Variants in MED15 observed in about 807,000 individuals in gnomAD.
MED15 encodes the protein mediator complex subunit 15.
A neutral mutation model predicts 118.7 loss-of-function variants in MED15; 41 were observed. The observed-to-expected ratio is 0.35, with a 90% CI of 0.27 to 0.45. MED15 has a LOEUF of 0.45. MED15 is among the 20% of genes least tolerant of loss of function. MED15 has a pLI of 1.00. For synonymous variants in MED15, 436 were observed against 413.9 expected, an observed-to-expected ratio of 1.05 and a Z score of -0.65; for missense variants, 740 against 1,025.5, an observed-to-expected ratio of 0.72 and a Z score of 3.80.
At chr22:20,554,294 T>G (rs2055902095) in intron 4 of MED15, 1 of 152,454 alleles carries the variant, frequency 6.6e-6, no homozygotes, top group Non-Finnish European at 1.5e-5. Flanking sequence ...TGCTGTGAAG[T>G]CCACACTGTT....
intron 5 of MED15, among the ~76,000 whole-genome samples, chr22:20,560,007 G>A (rs1343578078): frequency 1.3e-5 from 2 of 152,174 alleles, no homozygotes; most frequent in Non-Finnish European, 2.9e-5. Context: ...ATTTGACAAT[G>A]TCTGGAGACA....
At chr22:20,551,024 A>ACAGATAGTGCAAAGACACAGCGG (rs1360233001) in intron 2 of MED15, 2 of 411,388 alleles carry the variant, frequency 4.9e-6, no homozygotes, top group Admixed American at 3.1e-5. Context: ...GCCCTTCTTT[A>ACAGATAGTGCAAAGACACAGCGG]CAGATAGTGC....
intron 17 of MED15, 26 bp from the exon 18 acceptor site, chr22:20,586,542 G>A (rs770109209): frequency 3.7e-6 from 6 of 1,607,028 alleles, no homozygotes; most frequent in South Asian, 1.1e-5. Context: ...GGCCGCCTTA[G>A]GTTCACGCCC....
chr22:20,522,207 C>T (rs2146375289), intron 1 of MED15: 1 of 152,250 alleles, frequency 6.6e-6, no homozygotes, highest in South Asian at 2.1e-4. Flanking sequence ...GGGCTGTGCA[C>T]CTAGAAGTTA....
chr22:20,556,012 C>A (rs187558511), intron 5 of MED15, among the ~76,000 whole-genome samples: 1 of 152,226 alleles, frequency 6.6e-6, no homozygotes, highest in South Asian at 2.1e-4. Context: ...CGTGAGCCAA[C>A]GCGCCTGCCC....
At chr22:20,552,783 C>T (rs532441606) in intron 3 of MED15, 20 of 282,780 alleles carry the variant, frequency 7.1e-5, no homozygotes, top group South Asian at 5.0e-4. Flanking sequence ...ACTCCAGCCC[C>T]GCCGTGGGTT....
intron 2 of MED15, among the ~76,000 whole-genome samples, chr22:20,539,384 T>TACTC (rs1407404923): frequency 6.6e-6 from 1 of 152,270 alleles, no homozygotes; most frequent in Non-Finnish European, 1.5e-5. Flanking sequence ...GTACTGGGAT[T>TACTC]ACAGACGTGA....
At chr22:20,555,924 T>G (rs1285582394) in intron 5 of MED15, among the ~76,000 whole-genome samples, 1 of 152,212 alleles carries the variant, frequency 6.6e-6, no homozygotes, top group Non-Finnish European at 1.5e-5. Flanking sequence ...GACTTCACCA[T>G]GTTGCCCAGG....
At chr22:20,559,269 G>C (rs1309015326) in intron 5 of MED15, among the ~76,000 whole-genome samples, 1 of 152,180 alleles carries the variant, frequency 6.6e-6, no homozygotes, top group Non-Finnish European at 1.5e-5. Flanking sequence ...GTAGAAATGA[G>C]CAATATAATT....
In MED15 at chr22:20,509,920, A is replaced by C. The variant is rs542051610; in HGVS notation, c.68+2174A>C. Reference sequence around the variant, plus strand: ...GAAAATGGGGGTAGGGGAAGTGTTAAGAGGGCTGGGAGGGTGATTGAAGAG... The same window carrying C: ...GAAAATGGGGGTAGGGGAAGTGTTACGAGGGCTGGGAGGGTGATTGAAGAG... On this transcript the variant is annotated intron_variant, in intron 1 of 17. Coordinates refer to ENST00000263205, the MANE Select transcript of MED15 (RefSeq NM_001003891.3). Among the ~76,000 whole-genome samples the C allele has an allele frequency of 3.1e-4, 47 of 152,250 alleles. 2 individuals carry two copies. The South Asian group carries it at 9.3e-3, about 30-fold the overall frequency.
chr22:20,568,811 G>A (rs1241357500), intron 8 of MED15, among the ~76,000 whole-genome samples, 180 bp downstream of exon 8: 1 of 152,210 alleles, frequency 6.6e-6, no homozygotes, highest in Non-Finnish European at 1.5e-5. Flanking sequence ...GTGGGCAGCT[G>A]TGCTTGGTCA....
intron 1 of MED15, among the ~76,000 whole-genome samples, chr22:20,527,576 G>A (rs2054694529): frequency 6.6e-6 from 1 of 151,618 alleles, no homozygotes; most frequent in South Asian, 2.1e-4. Flanking sequence ...CAAGTAGCTG[G>A]GACTGCAGGC....
At chr22:20,556,627 C>T (rs2056019420) in intron 5 of MED15, among the ~76,000 whole-genome samples, 1 of 152,128 alleles carries the variant, frequency 6.6e-6, no homozygotes, top group Non-Finnish European at 1.5e-5. Flanking sequence ...TACACTCATT[C>T]TTGGGCTACA....
chr22:20,532,610 G>A (rs1474481745), intron 1 of MED15, among the ~76,000 whole-genome samples: 2 of 152,168 alleles, frequency 1.3e-5, no homozygotes, highest in South Asian at 4.1e-4. Flanking sequence ...GCTCTGAGCC[G>A]GTAACAGTCC....
chr22:20,568,736 T>C, intron 8 of MED15, 105 bp downstream of exon 8: 2 of 1,507,560 alleles, frequency 1.3e-6, no homozygotes, highest in South Asian at 2.5e-5. Context: ...GGCTGGGGGC[T>C]AAGTTGGTAA....
At chr22:20,553,310 G>C in intron 4 of MED15, 136 bp downstream of exon 4, 3 of 899,000 alleles carry the variant, frequency 3.3e-6, no homozygotes, top group Non-Finnish European at 5.2e-6. Context: ...ACTCTGGAGG[G>C]AGGAGGCTGA....
At chr22:20,528,490 G>A (rs2054738811) in intron 1 of MED15, among the ~76,000 whole-genome samples, 1 of 152,154 alleles carries the variant, frequency 6.6e-6, no homozygotes, top group Non-Finnish European at 1.5e-5. Flanking sequence ...AGAATCTGAT[G>A]CCACCACTTA....
rs371778899 is a variant in MED15 at position 20,551,529 on chromosome 22, G to A, written c.208+42G>A. The A allele has an allele frequency of 1.9e-6, 3 of 1,582,600 alleles. No individual in the cohort carries two copies. In the African/African-American group the frequency reaches 4.0e-5, roughly 21 times the overall value. The stretch of plus-strand genomic sequence containing the variant: ...ATTTCTGGGTTGTTGAGATCTCTGT[G>A]AGAGGCCAGCCCTGACGCTGCCTCG... On this transcript the variant is annotated intron_variant, in intron 3 of 17. Transcript: ENST00000263205.
In MED15 at chr22:20,534,005, A is replaced by C. The variant is rs567284254; in HGVS notation, c.69-3112A>C. Among the ~76,000 whole-genome samples the C allele has an allele frequency of 2.0e-5, 3 of 152,278 alleles. No individual in the cohort carries two copies. In the East Asian group the frequency reaches 5.8e-4, roughly 29 times the overall value. The stretch of plus-strand genomic sequence containing the variant: ...TCTGCTGACACTCTCAAAAACGGCC[A>C]GTAGCAGCTCAAAAGGACTGCTTTT... On this transcript the variant is annotated intron_variant, in intron 1 of 17. Transcript: ENST00000263205.
Sources: allele counts gnomAD v4.1 joint callset (sites outside exome capture counted in the v4.1 genomes callset), GRCh38; gene constraint gnomAD v4.1.1; transcripts MANE v1.5; gene names NCBI Gene and HGNC (gene_info 2026-07-23, HGNC 2026-07-21).